STX8: variants seen among roughly 807,000 people sequenced by gnomAD.
The protein encoded by STX8 is syntaxin-8.
In STX8, 23 loss-of-function variants were observed where a neutral mutation model predicts 37.5. That is an observed-to-expected ratio of 0.61 (90% CI 0.44 to 0.87). STX8 has a LOEUF of 0.87. STX8 is among the 40% of genes least tolerant of loss of function. STX8 has a pLI of 0.00. For synonymous variants in STX8, 115 were observed against 99.1 expected (o/e 1.16, Z -0.95); for missense variants, 313 against 284.7 (o/e 1.10, Z -0.71).
intron 2 of STX8, among the ~76,000 whole-genome samples, chr17:9,566,544 C>T (rs1597748111): frequency 2.0e-5 from 3 of 152,018 alleles, no homozygotes; most frequent in Non-Finnish European, 2.9e-5. Context: ...CTCAGCACTT[C>T]GGGAGGCCGA....
intron 6 of STX8, among the ~76,000 whole-genome samples, chr17:9,386,576 CG>C (rs1912022470): frequency 6.6e-6 from 1 of 151,896 alleles, no homozygotes; most frequent in South Asian, 2.1e-4. Context: ...AGCTGGCAGG[CG>C]GGCAGGCAGG....
At chr17:9,284,496 A>T (rs960037695) in intron 7 of STX8, among the ~76,000 whole-genome samples, 5 of 152,248 alleles carry the variant, frequency 3.3e-5, no homozygotes, top group African/African-American at 1.2e-4. Flanking sequence ...ATACGGAGAT[A>T]AACAATACAT....
At chr17:9,530,003 CAA>C (rs1056126676) in intron 4 of STX8, among the ~76,000 whole-genome samples, 1 of 151,692 alleles carries the variant, frequency 6.6e-6, no homozygotes, top group Non-Finnish European at 1.5e-5. Context: ...AAAAACAAAA[CAA>C]AACAAAAAAT....
chr17:9,458,920 C>G (rs1375739921), intron 6 of STX8, among the ~76,000 whole-genome samples: 4 of 151,838 alleles, frequency 2.6e-5, no homozygotes, highest in Non-Finnish European at 5.9e-5. Flanking sequence ...AGCTCCACCT[C>G]CCGGGTTCAC....
intron 6 of STX8, chr17:9,464,602 T>G (rs1905529023): frequency 6.6e-6 from 1 of 152,092 alleles, no homozygotes; most frequent in Non-Finnish European, 1.5e-5. Context: ...CTCAAGAGTG[T>G]GTCATAAATG....
chr17:9,459,783 C>T (rs759788377), intron 6 of STX8, among the ~76,000 whole-genome samples: 2 of 152,210 alleles, frequency 1.3e-5, no homozygotes, highest in Admixed American at 6.5e-5. Flanking sequence ...CCGAAGTGCT[C>T]GGATTACAGG....
At chr17:9,366,520 G>A (rs552481254) in intron 7 of STX8, among the ~76,000 whole-genome samples, 18 of 152,310 alleles carry the variant, frequency 1.2e-4, no homozygotes, top group Admixed American at 2.6e-4. Flanking sequence ...GTGAGCCATC[G>A]CACCCGGCCT....
chr17:9,529,283 G>T (rs1905713142), intron 4 of STX8, among the ~76,000 whole-genome samples: 1 of 151,984 alleles, frequency 6.6e-6, no homozygotes, highest in Non-Finnish European at 1.5e-5. Flanking sequence ...GTGTGTGGGT[G>T]CGCACACGCA....
At chr17:9,322,950 A>G (rs1035844568) in intron 7 of STX8, among the ~76,000 whole-genome samples, 1 of 151,920 alleles carries the variant, frequency 6.6e-6, no homozygotes, top group Non-Finnish European at 1.5e-5. Flanking sequence ...AAAACTTTAT[A>G]ATATTTATGA....
chr17:9,556,753 ATATATATATATATAT>A (rs1906980995), intron 3 of STX8: 4 of 4,150 alleles, frequency 9.6e-4, no homozygotes, highest in African/African-American at 3.8e-3. Flanking sequence ...TTTCTAAAAT[ATATATATATATATAT>A]ATATATATAT....
At chr17:9,494,423 G>GT (rs1907006175) in intron 5 of STX8, among the ~76,000 whole-genome samples, 1 of 151,520 alleles carries the variant, frequency 6.6e-6, no homozygotes, top group African/African-American at 2.4e-5. Context: ...AAGCCCAGGA[G>GT]TTTGAGACCA....
intron 1 of STX8, among the ~76,000 whole-genome samples, chr17:9,568,939 A>G (rs971529187): frequency 2.0e-5 from 3 of 152,244 alleles, no homozygotes; most frequent in Non-Finnish European, 2.9e-5. Context: ...TGTGCCAGGC[A>G]CTATTTTGAA....
chr17:9,443,129 C>T (rs1435027086), intron 6 of STX8, among the ~76,000 whole-genome samples: 1 of 152,030 alleles, frequency 6.6e-6, no homozygotes, highest in Admixed American at 6.6e-5. Context: ...ATAATCATGC[C>T]CTTCTGTAAT....
At chr17:9,536,744 A>G (rs534890696) in intron 4 of STX8, among the ~76,000 whole-genome samples, 1 of 133,830 alleles carries the variant, frequency 7.5e-6, no homozygotes, top group African/African-American at 3.3e-5. Context: ...TGGGCTTATT[A>G]TTATTTTTTT....
At chr17:9,490,844 T>G (rs1906823507) in intron 6 of STX8, among the ~76,000 whole-genome samples, 1 of 152,176 alleles carries the variant, frequency 6.6e-6, no homozygotes, top group Non-Finnish European at 1.5e-5. Context: ...GCTCTGTCAC[T>G]CATAAGCGAT....
intron 7 of STX8, among the ~76,000 whole-genome samples, chr17:9,319,878 G>A (rs544047251): frequency 6.6e-6 from 1 of 152,030 alleles, no homozygotes; most frequent in East Asian, 1.9e-4. Flanking sequence ...TTGAACCCAG[G>A]GGGCAGAGGT....
At chr17:9,485,121 G>A (rs989234740) in intron 6 of STX8, among the ~76,000 whole-genome samples, 3 of 61,092 alleles carry the variant, frequency 4.9e-5, no homozygotes, top group African/African-American at 4.4e-5. Context: ...AGACCTTGTC[G>A]CTTAGAAAAA....
At chr17:9,418,069 G>T (rs1220759130) in intron 6 of STX8, among the ~76,000 whole-genome samples, 1 of 152,188 alleles carries the variant, frequency 6.6e-6, no homozygotes, top group Non-Finnish European at 1.5e-5. Context: ...AGCCACGTTG[G>T]ACAGAAGTGT....
chr17:9,513,313 CAAA>C (rs35228175), intron 4 of STX8, among the ~76,000 whole-genome samples: 7 of 78,026 alleles, frequency 9.0e-5, no homozygotes, highest in South Asian at 4.3e-4. Context: ...ACTCTATTTC[CAAA>C]AAAAAAAAAA....
Sources: allele counts gnomAD v4.1 joint callset (sites outside exome capture counted in the v4.1 genomes callset), GRCh38; gene constraint gnomAD v4.1.1; transcripts MANE v1.5; gene names NCBI Gene and HGNC (gene_info 2026-07-23, HGNC 2026-07-21).